CDKL5: variants seen among roughly 807,000 people sequenced by gnomAD.
CDKL5 encodes cyclin dependent kinase like 5.
A neutral mutation model predicts 61.7 loss-of-function variants in CDKL5; 8 were observed. That is an observed-to-expected ratio of 0.13 (90% CI 0.08 to 0.23). The LOEUF (loss-of-function observed/expected upper bound fraction) is 0.23, where lower values mean the gene tolerates loss of function less well. CDKL5 is among the 10% of genes least tolerant of loss of function. The pLI, the probability that CDKL5 is intolerant of heterozygous loss-of-function variation, is 1.00. For synonymous variants in CDKL5, 275 were observed against 272.3 expected (o/e 1.01, Z -0.10); for missense variants, 440 against 734.5 (o/e 0.60, Z 4.63).
intron 3 of CDKL5, among the ~76,000 whole-genome samples, chrX:18,544,081 T>G (rs1183834982): frequency 8.9e-6 from 1 of 112,129 alleles, no homozygotes; most frequent in Non-Finnish European, 1.9e-5. Context: ...AGGTGGAATC[T>G]CCGCAAGTAC....
At position 18,634,454 on chromosome X, in the gene CDKL5, G is replaced by A; in HGVS notation, c.*5697G>A. On this transcript the variant is annotated 3_prime_UTR_variant, in exon 18 of 18. Transcript: ENST00000623535. ...TTTGCCAGAATTGTCAAAAGCTCCG[G>A]TTCAAACTCTGTAGAGTTTCATGGA... 1 of 754,080 alleles carries A rather than the reference G, an allele frequency of 1.3e-6. No individual in the cohort carries two copies. The highest frequency in any genetic ancestry group is 1.6e-6 in the Non-Finnish European group (1 of 639,202). 62.1% of individuals were successfully genotyped at this position (754,080 alleles called of 1,213,427 possible). A position where few individuals can be genotyped will look rare whatever the true frequency, so the allele number is the denominator to read the frequency against.
intron 1 of CDKL5, among the ~76,000 whole-genome samples, chrX:18,459,324 G>A (rs1932221247): frequency 9.0e-6 from 1 of 111,262 alleles, no homozygotes; most frequent in Admixed American, 9.6e-5. Context: ...GGGAGGCTGA[G>A]GCAGGCGGAC....
In CDKL5 at chrX:18,637,394, A is replaced by G. The variant is rs1422363002; in HGVS notation, c.*8637A>G. On this transcript the variant is annotated 3_prime_UTR_variant, in exon 18 of 18. Transcript: ENST00000623535. ...GAGCGAGACTCTGTCTCAAAAAAAA[A>G]AAAAAAAAAATACAAAAATTAGCCG... The G allele has an allele frequency of 9.4e-6, 1 of 105,863 alleles. No individual in the cohort carries two copies. Among genetic ancestry groups the G allele is most frequent in the Non-Finnish European group, 1.9e-5 (1 of 51,576 alleles). The allele number at this position is 105,863 out of a possible 1,213,427, so 8.7% of individuals were successfully genotyped here.
rs1362041016 is a variant in CDKL5 at position 18,634,237 on chromosome X, T to C, written c.*5480T>C. 1 of 751,692 alleles carries C rather than the reference T, an allele frequency of 1.3e-6. No individual in the cohort carries two copies. Among genetic ancestry groups the C allele is most frequent in the Non-Finnish European group, 1.6e-6 (1 of 638,488 alleles). The allele number at this position is 751,692 out of a possible 1,213,427, so 61.9% of individuals were successfully genotyped here. ...ATCTGTTCCTCCATCCCCCCTGTTT[T>C]GACAGACTGCTAAGAATTCCTCAGG... On this transcript the variant is annotated 3_prime_UTR_variant, in exon 18 of 18. Transcript: ENST00000623535.
intron 1 of CDKL5, among the ~76,000 whole-genome samples, chrX:18,492,887 CT>C (rs1922042914): frequency 9.0e-6 from 1 of 111,592 alleles, no homozygotes; most frequent in Non-Finnish European, 1.9e-5. Flanking sequence ...GAATCCACCC[CT>C]CCTATTCTTG....
chrX:18,522,625 G>GTT (rs2147103217), intron 3 of CDKL5, among the ~76,000 whole-genome samples: 1 of 109,162 alleles, frequency 9.2e-6, no homozygotes, highest in South Asian at 3.9e-4. Flanking sequence ...GATTGCAAGC[G>GTT]TAAGCCACCG....
chrX:18,617,271 T>G (rs770892595), intron 15 of CDKL5, among the ~76,000 whole-genome samples: 1 of 111,849 alleles, frequency 8.9e-6, no homozygotes, highest in African/African-American at 3.3e-5. Flanking sequence ...CCGTACTGTT[T>G]TGGTCCCAAC....
intron 1 of CDKL5, among the ~76,000 whole-genome samples, chrX:18,460,092 G>T (rs1307731712): frequency 9.1e-6 from 1 of 110,406 alleles, no homozygotes; most frequent in Non-Finnish European, 1.9e-5. Context: ...GTAGAGATGG[G>T]GCTTCACCAT....
At chrX:18,608,962 G>A (rs761832169) in intron 13 of CDKL5, 50 bp downstream of exon 13, 7 of 841,559 alleles carry the variant, frequency 8.3e-6, no homozygotes, top group Non-Finnish European at 1.1e-5. Context: ...CATCATTACT[G>A]CCTAGCTTTT....
rs1927006262 is a variant in CDKL5, at chrX:18,625,247, A to G, written c.2496A>G (p.Gln832=). The part of the protein sequence containing the change: ...RPEKISDLQT[Q]SQPLKSLRKL... ...AGAAGATCTCAGATCTGCAGACCCA[A>G]GTGAGTGGATCCTGCACCACTGCTA... Residue 832 remains glutamine (Q), a splice_region_variant and synonymous_variant, in exon 17 of 18, where the codon CAA becomes CAG. Transcript: ENST00000623535. 8.3e-7 allele frequency: 1 copy of G among 1,208,640 alleles called. No individual in the cohort carries two copies. The highest frequency in any genetic ancestry group is 1.1e-6 in the Non-Finnish European group (1 of 894,461).
chrX:18,606,788 T>G (rs1391763656), intron 12 of CDKL5, among the ~76,000 whole-genome samples: 1 of 111,958 alleles, frequency 8.9e-6, no homozygotes, highest in Non-Finnish European at 1.9e-5. Context: ...AATGCAAAAT[T>G]TGGAGTGGCT....
intron 1 of CDKL5, among the ~76,000 whole-genome samples, chrX:18,499,401 C>T (rs1922300518): frequency 9.9e-6 from 1 of 101,357 alleles, no homozygotes; most frequent in Non-Finnish European, 2.0e-5. Context: ...CGCTCTGTCG[C>T]CGAGGCTAGA....
chrX:18,438,618 C>T (rs967845165), intron 1 of CDKL5, among the ~76,000 whole-genome samples: 1 of 105,591 alleles, frequency 9.5e-6, no homozygotes, highest in Non-Finnish European at 1.9e-5. Context: ...GTGAAACCCC[C>T]GTCTCTACTA....
At chrX:18,515,447 C>T (rs185279662) in intron 3 of CDKL5, among the ~76,000 whole-genome samples, 2 of 111,699 alleles carry the variant, frequency 1.8e-5, no homozygotes, top group African/African-American at 6.5e-5. Context: ...CATTGGGGTA[C>T]AGCCTATAAG....
chrX:18,506,507 A>G (rs1047722741), intron 1 of CDKL5, among the ~76,000 whole-genome samples: 4 of 112,557 alleles, frequency 3.6e-5, no homozygotes, highest in African/African-American at 1.3e-4. Flanking sequence ...ATAAGAAACC[A>G]AGGTCAGTAT....
chrX:18,596,684 A>C (rs1033588255), intron 10 of CDKL5, among the ~76,000 whole-genome samples: 1 of 112,144 alleles, frequency 8.9e-6, no homozygotes, highest in African/African-American at 3.2e-5. Flanking sequence ...TAATTTGGTA[A>C]CTTCTAAAAT....
intron 15 of CDKL5, among the ~76,000 whole-genome samples, chrX:18,616,582 G>A (rs1214358928): frequency 1.9e-5 from 2 of 107,424 alleles, no homozygotes; most frequent in African/African-American, 6.8e-5. Flanking sequence ...CCGACATTAC[G>A]CCATTGCACT....
chrX:18,596,884 G>T (rs1354908328), intron 10 of CDKL5, among the ~76,000 whole-genome samples: 5 of 112,192 alleles, frequency 4.5e-5, no homozygotes, highest in Non-Finnish European at 9.4e-5. Flanking sequence ...ATCATCCTGT[G>T]CTTCTGCCAG....
intron 3 of CDKL5, 149 bp from the exon 4 acceptor site, chrX:18,564,328 A>G: frequency 6.1e-6 from 2 of 325,445 alleles, no homozygotes; most frequent in Non-Finnish European, 1.1e-5. Flanking sequence ...GAACCAAGAA[A>G]TGAGAGGTGG....
Sources: allele counts gnomAD v4.1 joint callset (sites outside exome capture counted in the v4.1 genomes callset), GRCh38; gene constraint gnomAD v4.1.1; transcripts MANE v1.5; gene names NCBI Gene and HGNC (gene_info 2026-07-23, HGNC 2026-07-21).